The following MCF2L variants were observed in gnomAD, a reference collection of about 807,000 sequenced individuals.
The protein encoded by MCF2L is MCF.2 cell line derived transforming sequence like, also known as guanine nucleotide exchange factor DBS.
In MCF2L, 97 loss-of-function variants were observed where a neutral mutation model predicts 153.4. The ratio of observed to expected loss-of-function variants is 0.63; its 90% CI spans 0.54 to 0.75. The LOEUF is 0.75. Ranked by LOEUF, MCF2L falls within the 30% of genes least tolerant of loss-of-function variation. The probability of loss-of-function intolerance (pLI) is 0.00; values close to 1 mark genes in which losing one functional copy is unlikely to be tolerated. For synonymous variants in MCF2L, 659 were observed against 632.2 expected (o/e 1.04, Z -0.64); for missense variants, 1,347 against 1,495.2 (o/e 0.90, Z 1.64).
Position 112,976,176 on chromosome 13 carries a change from ATG to A in MCF2L, c.79+6731_79+6732del, listed in dbSNP as rs72581190. On this transcript the variant is annotated intron_variant, in intron 1 of 29. Coordinates refer to ENST00000535094, the MANE Select transcript of MCF2L (RefSeq NM_001112732.3). ...TTTGTTTGCTTGTTTGTGTGTGTGTATGTGTGTGTGTGTGCGTGTGTGTGTGT... is the reference window on the plus strand; with the variant it reads ...TTTGTTTGCTTGTTTGTGTGTGTGTATGTGTGTGTGTGCGTGTGTGTGTGT... 4.9e-3 allele frequency among the ~76,000 whole-genome samples: 688 copies of A among 140,848 alleles called. 2 individuals carry two copies. The highest frequency in any genetic ancestry group is 0.028 in the East Asian group (143 of 5,022). 92.4% of individuals were successfully genotyped at this position (140,848 alleles called of 152,430 possible).
At chr13:113,084,298 A>G (rs796679489) in intron 18 of MCF2L, among the ~76,000 whole-genome samples, 13 of 62,342 alleles carry the variant, frequency 2.1e-4, no homozygotes, top group African/African-American at 3.3e-4. Flanking sequence ...GAACCCCCAG[A>G]ACCTCCTGTA....
intron 4 of MCF2L, among the ~76,000 whole-genome samples, chr13:113,055,606 T>A (rs1377577195): frequency 6.6e-6 from 1 of 152,224 alleles, no homozygotes; most frequent in Non-Finnish European, 1.5e-5. Flanking sequence ...TGAGGGATTT[T>A]CAGTCCGCCC....
At chr13:112,980,031 C>G (rs1047755468) in intron 1 of MCF2L, among the ~76,000 whole-genome samples, 1 of 152,198 alleles carries the variant, frequency 6.6e-6, no homozygotes, top group South Asian at 2.1e-4. Flanking sequence ...ATTGGAAAGA[C>G]GAGTGGACTC....
At chr13:113,025,044 G>C (rs1197200625) in intron 3 of MCF2L, 1 of 210,190 alleles carries the variant, frequency 4.8e-6, no homozygotes, top group African/African-American at 3.3e-5. Flanking sequence ...CATCATGGTG[G>C]GGTCCCCGTG....
At position 112,969,276 on chromosome 13, in the gene MCF2L, C is replaced by A; in HGVS notation, c.-104C>A. 6.7e-7 allele frequency: 1 copy of A among 1,495,906 alleles called. No homozygotes were observed. Among genetic ancestry groups the A allele is most frequent in the Non-Finnish European group, 9.0e-7 (1 of 1,115,546 alleles). The allele number at this position is 1,495,906 out of a possible 1,614,324, so 92.7% of individuals were successfully genotyped here. On this transcript the variant is annotated 5_prime_UTR_variant, in exon 1 of 30. Transcript: ENST00000535094. The surrounding 1 kb of genome is among the most constrained non-coding windows in gnomAD (Gnocchi z 4.8). ...GCTGAAAGCGCTGCCGTGGCCCCCTCCCCGCCTCCGCCGCGCCCCCTCCGC... is the reference window on the plus strand; with the variant it reads ...GCTGAAAGCGCTGCCGTGGCCCCCTACCCGCCTCCGCCGCGCCCCCTCCGC...
At chr13:113,086,384 C>T (rs1211257731) in intron 21 of MCF2L, 135 bp downstream of exon 21, 6 of 1,266,396 alleles carry the variant, frequency 4.7e-6, no homozygotes, top group Non-Finnish European at 6.4e-6. Flanking sequence ...CTGGGGTGGT[C>T]CCTAGATAAG....
chr13:112,987,546 C>T (rs1004680501), intron 1 of MCF2L, among the ~76,000 whole-genome samples: 3 of 152,366 alleles, frequency 2.0e-5, no homozygotes, highest in Middle Eastern at 3.4e-3. Flanking sequence ...CTGCCCAAAA[C>T]GGTCTGGCAG....
rs187717528 is a variant in MCF2L at position 112,974,331 on chromosome 13, G to A, written c.79+4873G>A. Reference sequence around the variant, plus strand: ...GACTTCCAGGTCTGCAAGGGCCCCCGGCGTGGCCAACCTCTGAGTCTGCAA... The same window carrying A: ...GACTTCCAGGTCTGCAAGGGCCCCCAGCGTGGCCAACCTCTGAGTCTGCAA... On this transcript the variant is annotated intron_variant, in intron 1 of 29. Coordinates refer to ENST00000535094, the MANE Select transcript of MCF2L (RefSeq NM_001112732.3). Among the ~76,000 whole-genome samples, 1,308 of 152,272 alleles carry A rather than the reference G, an allele frequency of 8.6e-3. 6 individuals carry two copies. Among genetic ancestry groups the A allele is most frequent in the Non-Finnish European group, 0.011 (777 of 68,018 alleles).
upstream of MCF2L, among the ~76,000 whole-genome samples, chr13:112,964,636 A>G (rs539232202): frequency 2.0e-5 from 3 of 152,362 alleles, no homozygotes; most frequent in East Asian, 5.8e-4. Flanking sequence ...CACAGTGTTT[A>G]TGACAGTCAA....
At position 113,098,680 on chromosome 13, in the gene MCF2L, T is replaced by C. The variant is rs2035811019; in HGVS notation, c.*1821T>C. 6.6e-6 allele frequency: 1 copy of C among 152,258 alleles called. No individual in the cohort carries two copies. The highest frequency in any genetic ancestry group is 1.5e-5 in the Non-Finnish European group (1 of 68,044). 9.4% of individuals were successfully genotyped at this position (152,258 alleles called of 1,614,324 possible). ...AGCCGGCAGTGGGCAGGGCCCAGCG[T>C]GCGGCTCAGGCACCGAGCAACCGCT... is the stretch of plus-strand genomic sequence containing the variant. On this transcript the variant is annotated 3_prime_UTR_variant, in exon 30 of 30. Coordinates refer to ENST00000535094, the MANE Select transcript of MCF2L (RefSeq NM_001112732.3).
intron 2 of MCF2L, chr13:112,917,113 G>A (rs1014309397): frequency 1.1e-5 from 5 of 471,108 alleles, no homozygotes; most frequent in South Asian, 6.2e-5. Context: ...TCTGTACTCA[G>A]CCCCTCGGCG....
At position 113,079,910 on chromosome 13, in the gene MCF2L, C is replaced by T. The variant is rs1185948316; in HGVS notation, c.1808+1171C>T. ...AGGAGGGTCCAGGCAGGGGAGTGTT[C>T]GTATGGAGGAGAGTCCAGGCAGAGG... On this transcript the variant is annotated intron_variant, in intron 15 of 29. Coordinates refer to ENST00000535094, the MANE Select transcript of MCF2L (RefSeq NM_001112732.3). 4.6e-5 allele frequency among the ~76,000 whole-genome samples: 7 copies of T among 151,242 alleles called. No homozygotes were observed. In the East Asian group the frequency reaches 1.2e-3, roughly 26 times the overall value.
chr13:113,089,590 G>A lies in MCF2L; in HGVS notation c.2835-20G>A, dbSNP rs1331140594. The A allele has an allele frequency of 3.9e-6, 6 of 1,530,668 alleles. No homozygotes were observed. The highest frequency in any genetic ancestry group is 1.7e-4 in the Middle Eastern group (1 of 5,884). The allele number at this position is 1,530,668 out of a possible 1,614,324, so 94.8% of individuals were successfully genotyped here. ...CCAGGCAACACACTATTTCCTTTTT[G>A]ATTTGTCTGATGTCATCAGTCCCTC... On this transcript the variant is annotated intron_variant, in intron 25 of 29. Coordinates refer to ENST00000535094, the MANE Select transcript of MCF2L (RefSeq NM_001112732.3).
At chr13:113,003,603 C>A (rs1442297414) in intron 1 of MCF2L, among the ~76,000 whole-genome samples, 1 of 152,288 alleles carries the variant, frequency 6.6e-6, no homozygotes, top group Non-Finnish European at 1.5e-5. Flanking sequence ...TCCTGAAGGA[C>A]CAGGCAAAGC....
At chr13:112,924,884 A>C (rs780684600) in intron 2 of MCF2L, among the ~76,000 whole-genome samples, 3 of 152,172 alleles carry the variant, frequency 2.0e-5, no homozygotes, top group Admixed American at 1.3e-4. Flanking sequence ...AAGAACAAGG[A>C]CAGGTGAATG....
chr13:113,016,197 A>G (rs1331063089), intron 2 of MCF2L, among the ~76,000 whole-genome samples: 1 of 152,114 alleles, frequency 6.6e-6, no homozygotes, highest in Non-Finnish European at 1.5e-5. Context: ...TAACTTTAAG[A>G]TCTTCCTTGG....
At chr13:112,979,410 G>A in intron 1 of MCF2L, 1 of 1,390,766 alleles carries the variant, frequency 7.2e-7, no homozygotes, top group East Asian at 2.9e-5. Context: ...TGGTGGCTCG[G>A]GCCAGGCTCT....
At chr13:113,044,806 TC>T in intron 3 of MCF2L, 1 of 1,612,918 alleles carries the variant, frequency 6.2e-7, no homozygotes, top group Non-Finnish European at 8.5e-7. Flanking sequence ...GGGGATTTTC[TC>T]CCAGCACCGT....
chr13:113,014,659 G>A (rs756249019), intron 1 of MCF2L, 104 bp from the exon 2 acceptor site: 72 of 880,560 alleles, frequency 8.2e-5, no homozygotes, highest in Non-Finnish European at 1.1e-4. Context: ...CGCCACTCCC[G>A]TAGGTGCCTG....
Sources: allele counts gnomAD v4.1 joint callset (sites outside exome capture counted in the v4.1 genomes callset), GRCh38; gene constraint gnomAD v4.1.1; non-coding constraint Gnocchi (gnomAD v3.1); transcripts MANE v1.5; gene names NCBI Gene and HGNC (gene_info 2026-07-23, HGNC 2026-07-21).